RCBTB1: variants seen among roughly 807,000 people sequenced by gnomAD.
RCBTB1 encodes the protein RCC1 and BTB domain containing protein 1.
In RCBTB1, 46 loss-of-function variants were observed where a neutral mutation model predicts 62.4. That is an observed-to-expected ratio of 0.74 (90% CI 0.58 to 0.94). The LOEUF is 0.94. Ranked by LOEUF, RCBTB1 falls within the 40% of genes least tolerant of loss-of-function variation. The pLI, the probability that RCBTB1 is intolerant of heterozygous loss-of-function variation, is 0.00. For missense variants in RCBTB1, 565 were observed against 654.9 expected (o/e 0.86, Z 1.50); for synonymous variants, 222 against 245.8 (o/e 0.90, Z 0.91).
chr13:49,564,959 A>T (rs1962803289), intron 4 of RCBTB1, among the ~76,000 whole-genome samples: 1 of 152,052 alleles, frequency 6.6e-6, no homozygotes, highest in Non-Finnish European at 1.5e-5. Context: ...TGCAGAACAA[A>T]GACCAGTGAG....
chr13:49,583,736 C>T (rs1003467959), intron 1 of RCBTB1, among the ~76,000 whole-genome samples: 10 of 152,150 alleles, frequency 6.6e-5, no homozygotes, highest in African/African-American at 1.9e-4. Flanking sequence ...TTAGTAGAGA[C>T]GGGGTTTCAC....
At chr13:49,552,313 A>C in intron 6 of RCBTB1, 28 bp from the exon 7 acceptor site, 3 of 1,462,858 alleles carry the variant, frequency 2.1e-6, no homozygotes, top group Admixed American at 1.9e-5. Flanking sequence ...GGAGAGAGTG[A>C]GATTTTTAAA....
intron 10 of RCBTB1, among the ~76,000 whole-genome samples, chr13:49,542,856 T>C (rs984377030): frequency 6.6e-6 from 1 of 152,234 alleles, no homozygotes; most frequent in African/African-American, 2.4e-5. Flanking sequence ...CAAAGCCACC[T>C]GCACAAGAAA....
chr13:49,551,139 G>A, intron 8 of RCBTB1, 187 bp downstream of exon 8: 2 of 558,722 alleles, frequency 3.6e-6, no homozygotes, highest in East Asian at 3.3e-5. Flanking sequence ...GGAGGGAGAA[G>A]GGGGAAGGGG....
chr13:49,545,660 G>A (rs1445329342), intron 9 of RCBTB1, among the ~76,000 whole-genome samples: 1 of 152,136 alleles, frequency 6.6e-6, no homozygotes, highest in East Asian at 1.9e-4. Flanking sequence ...AAGGGCTAAT[G>A]GGGAAATTTT....
At chr13:49,574,092 AT>A (rs1963600774) in intron 2 of RCBTB1, among the ~76,000 whole-genome samples, 1 of 148,810 alleles carries the variant, frequency 6.7e-6, no homozygotes, top group Admixed American at 6.8e-5. Context: ...CCTTCTTTGT[AT>A]TTTTAAAATA....
chr13:49,545,296 G>A (rs987725862), intron 9 of RCBTB1, among the ~76,000 whole-genome samples: 3 of 152,170 alleles, frequency 2.0e-5, no homozygotes, highest in Non-Finnish European at 2.9e-5. Flanking sequence ...ACTCAAGGAG[G>A]TGCAAGAAAC....
chr13:49,556,115 G>C (rs1330747359), intron 5 of RCBTB1, among the ~76,000 whole-genome samples: 1 of 151,834 alleles, frequency 6.6e-6, no homozygotes, highest in African/African-American at 2.4e-5. Flanking sequence ...ATAAGTATTA[G>C]TGATGTAAAA....
rs12428474 is a variant in RCBTB1, at chr13:49,555,882, T to A, written c.445-209A>T. Among the ~76,000 whole-genome samples, 37,167 of 152,054 alleles carry A rather than the reference T, an allele frequency of 0.24. 5,862 individuals are homozygous for A. Among genetic ancestry groups the A allele is most frequent in the African/African-American group, 0.44 (18,338 of 41,466 alleles). On this transcript the variant is annotated intron_variant, in intron 5 of 12. Transcript: ENST00000378302. ...GAGTAGGTAGTACCCACTTTATACATCTCCGTTTTATACATGGAAACTGAA... is the reference window on the plus strand; with the variant it reads ...GAGTAGGTAGTACCCACTTTATACAACTCCGTTTTATACATGGAAACTGAA...
At chr13:49,539,613 A>C (rs951135304) in intron 12 of RCBTB1, 1 of 152,200 alleles carries the variant, frequency 6.6e-6, no homozygotes, top group African/African-American at 2.4e-5. Flanking sequence ...TGGACAGAAA[A>C]GGCACTAACC....
intron 12 of RCBTB1, among the ~76,000 whole-genome samples, chr13:49,538,308 G>C (rs1708173296): frequency 6.6e-6 from 1 of 152,026 alleles, no homozygotes. Context: ...TTTTAATTTT[G>C]TACTCCAGAA....
At chr13:49,557,852 C>T (rs1962069004) in intron 5 of RCBTB1, among the ~76,000 whole-genome samples, 1 of 152,142 alleles carries the variant, frequency 6.6e-6, no homozygotes, top group South Asian at 2.1e-4. Flanking sequence ...AGAGAGTGCA[C>T]TCCCACAAGG....
At chr13:49,564,922 G>A (rs1962800434) in intron 4 of RCBTB1, among the ~76,000 whole-genome samples, 1 of 151,808 alleles carries the variant, frequency 6.6e-6, no homozygotes, top group Admixed American at 6.6e-5. Flanking sequence ...AAAGAAAAAC[G>A]TACCAAAGGA....
chr13:49,554,665 C>G (rs942165380), intron 6 of RCBTB1, among the ~76,000 whole-genome samples: 1 of 152,164 alleles, frequency 6.6e-6, no homozygotes, highest in Non-Finnish European at 1.5e-5. Flanking sequence ...CACAGGAGCA[C>G]GAACCCCATT....
chr13:49,541,094 G>C (rs893035438), intron 11 of RCBTB1, 88 bp from the exon 12 acceptor site: 1 of 1,172,660 alleles, frequency 8.5e-7, no homozygotes, highest in Non-Finnish European at 1.2e-6. Flanking sequence ...GAGGTGTACA[G>C]GTAAATTAGA....
intron 12 of RCBTB1, 27 bp from the exon 13 acceptor site, chr13:49,534,289 A>G: frequency 6.2e-7 from 1 of 1,600,694 alleles, no homozygotes; most frequent in Admixed American, 1.7e-5. Context: ...AATAAAAACA[A>G]AAATGGCTTT....
intron 3 of RCBTB1, 129 bp from the exon 4 acceptor site, chr13:49,566,897 T>C: frequency 1.1e-6 from 1 of 940,306 alleles, no homozygotes; most frequent in Non-Finnish European, 1.5e-6. Context: ...GATATGGTTG[T>C]TAAGAAAAAT....
intron 11 of RCBTB1, 51 bp downstream of exon 11, chr13:49,541,625 G>C (rs1960367830): frequency 6.7e-7 from 1 of 1,500,102 alleles, no homozygotes; most frequent in African/African-American, 1.4e-5. Flanking sequence ...AGAATATGAG[G>C]GGATATATTC....
At position 49,567,882 on chromosome 13, in the gene RCBTB1, T is replaced by C. The variant is rs1963133412; in HGVS notation, c.-41-562A>G. Among the ~76,000 whole-genome samples the C allele has an allele frequency of 1.3e-5, 2 of 152,218 alleles. 1 individual carries two copies. The highest frequency in any genetic ancestry group is 4.1e-4 in the South Asian group (2 of 4,832). On this transcript the variant is annotated intron_variant, in intron 2 of 12. Coordinates refer to ENST00000378302, the MANE Select transcript of RCBTB1 (RefSeq NM_018191.4). ...CCAGACTACTGGAATAACATTTGGA[T>C]GTCTTGACAAATGTGTGTGCAGGTG...
Sources: gnomAD v4.1 joint callset for allele counts (sites outside exome capture counted in the v4.1 genomes callset) on GRCh38, gnomAD v4.1.1 for gene constraint, MANE v1.5 for transcripts, NCBI Gene and HGNC (gene_info 2026-07-23, HGNC 2026-07-21) for gene names.